The following VAPA variants were observed in gnomAD, a reference collection of about 807,000 sequenced individuals.
VAPA encodes the protein VAMP associated protein A.
A neutral mutation model predicts 25.6 loss-of-function variants in VAPA; 6 were observed. The observed-to-expected ratio is 0.23, with a 90% CI of 0.13 to 0.46. The LOEUF is 0.46. VAPA is among the 20% of genes least tolerant of loss of function. The pLI is 0.99. For missense variants in VAPA, 244 were observed against 302.1 expected (o/e 0.81, Z 1.43); for synonymous variants, 112 against 106.2 (o/e 1.05, Z -0.34).
chr18:9,914,395 G>C (rs945585346), intron 1 of VAPA, 60 bp downstream of exon 1: 19 of 1,450,536 alleles, frequency 1.3e-5, no homozygotes, highest in Non-Finnish European at 1.7e-5. Context: ...GGCTGTCGGC[G>C]GGGGGGCGCG....
At chr18:9,919,499 C>T (rs1299027483) in intron 1 of VAPA, among the ~76,000 whole-genome samples, 2 of 152,108 alleles carry the variant, frequency 1.3e-5, no homozygotes, top group South Asian at 4.1e-4. Context: ...ATAAAGTGTA[C>T]CCCTGAAGAG....
intron 1 of VAPA, 65 bp downstream of exon 1, chr18:9,914,400 G>T (rs559745836): frequency 1.4e-6 from 2 of 1,431,654 alleles, no homozygotes; most frequent in African/African-American, 1.5e-5. Flanking sequence ...TCGGCGGGGG[G>T]GCGCGGAGGG....
chr18:9,919,559 A>C (rs981504616), intron 1 of VAPA, among the ~76,000 whole-genome samples: 2 of 152,260 alleles, frequency 1.3e-5, no homozygotes, highest in African/African-American at 4.8e-5. Flanking sequence ...TCAGGCTGTC[A>C]CAGTTGAACT....
rs2069583371 is a variant in VAPA at position 9,959,438 on chromosome 18, AGTGT to A, written c.*5232_*5235del. ...ACCAACATGAACATTCCTAAACAAG[AGTGT>A]GTGTTACTCTAAGAAGAAGGCTATA... On this transcript the variant is annotated 3_prime_UTR_variant, in exon 6 of 6. Coordinates refer to ENST00000400000, the MANE Select transcript of VAPA (RefSeq NM_194434.3). 6.6e-6 allele frequency: 1 copy of A among 152,094 alleles called. No individual in the cohort carries two copies. The highest frequency in any genetic ancestry group is 2.4e-5 in the African/African-American group (1 of 41,418). The allele number at this position is 152,094 out of a possible 1,614,324, so 9.4% of individuals were successfully genotyped here. A position where few individuals can be genotyped will look rare whatever the true frequency, so the allele number is the denominator to read the frequency against.
intron 1 of VAPA, among the ~76,000 whole-genome samples, chr18:9,930,654 A>C (rs973688291): frequency 9.2e-5 from 14 of 152,078 alleles, no homozygotes; most frequent in African/African-American, 3.4e-4. Context: ...ATAATGAAAC[A>C]AGCAGTTCAG....
intron 1 of VAPA, among the ~76,000 whole-genome samples, chr18:9,921,033 A>C (rs1014383234): frequency 1.3e-5 from 2 of 152,190 alleles, no homozygotes; most frequent in African/African-American, 4.8e-5. Flanking sequence ...AGGCTTACAT[A>C]TTCTCCCCTC....
At chr18:9,916,779 T>G (rs1347555208) in intron 1 of VAPA, among the ~76,000 whole-genome samples, 1 of 152,242 alleles carries the variant, frequency 6.6e-6, no homozygotes, top group Non-Finnish European at 1.5e-5. Flanking sequence ...CAAAACTTTC[T>G]AAGTGAAGGA....
chr18:9,926,622 G>C (rs561567005), intron 1 of VAPA, among the ~76,000 whole-genome samples: 1 of 152,066 alleles, frequency 6.6e-6, no homozygotes, highest in Non-Finnish European at 1.5e-5. Context: ...AGAGGTGTTC[G>C]GGTAGATGCT....
At chr18:9,915,327 A>G (rs1253693026) in intron 1 of VAPA, among the ~76,000 whole-genome samples, 1 of 152,218 alleles carries the variant, frequency 6.6e-6, no homozygotes, top group Non-Finnish European at 1.5e-5. Flanking sequence ...ACTGCCTGTG[A>G]TAAGTTTTTT....
Position 9,952,847 on chromosome 18 carries a change from C to T in VAPA, c.592-1206C>T, listed in dbSNP as rs372295950. 3.9e-4 allele frequency among the ~76,000 whole-genome samples: 59 copies of T among 152,238 alleles called. 1 individual carries two copies. In the South Asian group the frequency reaches 0.012, roughly 31 times the overall value. On this transcript the variant is annotated intron_variant, in intron 5 of 5. Transcript: ENST00000400000. ...AGATGTTTGTGATGTGTAGCTGAAA[C>T]TGAGAATTACTGTTTATATAGGACT...
At chr18:9,935,545 A>G (rs1285271097) in intron 2 of VAPA, among the ~76,000 whole-genome samples, 1 of 152,264 alleles carries the variant, frequency 6.6e-6, no homozygotes, top group African/African-American at 2.4e-5. Flanking sequence ...ACTGCACTGC[A>G]GCGCAGCCTC....
chr18:9,939,527 T>C (rs1272100475), intron 4 of VAPA, among the ~76,000 whole-genome samples: 5 of 151,876 alleles, frequency 3.3e-5, no homozygotes, highest in African/African-American at 1.2e-4. Flanking sequence ...TCTTTTTTTT[T>C]TTTTTTTGCA....
In VAPA at chr18:9,914,024, C is replaced by T. The variant is rs567555330; in HGVS notation, c.-233C>T. 81 of 457,666 alleles carry T rather than the reference C, an allele frequency of 1.8e-4. 2 individuals carry two copies. In the East Asian group the frequency reaches 3.2e-3, roughly 18 times the overall value. 28.4% of individuals were successfully genotyped at this position (457,666 alleles called of 1,614,324 possible). On this transcript the variant is annotated 5_prime_UTR_variant, in exon 1 of 6. Coordinates refer to ENST00000400000, the MANE Select transcript of VAPA (RefSeq NM_194434.3). Reference sequence around the variant, plus strand: ...CCGTCACGTGGGTCGCCGAGGCTCGCAAGTGCGCGTGGCCGTGGCGGCTGG... The same window carrying T: ...CCGTCACGTGGGTCGCCGAGGCTCGTAAGTGCGCGTGGCCGTGGCGGCTGG...
intron 3 of VAPA, chr18:9,936,598 T>G (rs1398944906): frequency 9.9e-6 from 2 of 202,216 alleles, no homozygotes; most frequent in East Asian, 2.4e-4. Flanking sequence ...ACAACAAAAA[T>G]GAGCTGGGTA....
chr18:9,924,681 G>A (rs1443545154), intron 1 of VAPA, among the ~76,000 whole-genome samples: 2 of 152,088 alleles, frequency 1.3e-5, no homozygotes, highest in African/African-American at 2.4e-5. Context: ...CTTTACCACC[G>A]GGTAGAAGAC....
intron 1 of VAPA, 21 bp from the exon 2 acceptor site, chr18:9,931,789 T>C: frequency 6.3e-7 from 1 of 1,580,990 alleles, no homozygotes; most frequent in Non-Finnish European, 8.6e-7. Context: ...TTGTTTTCTC[T>C]TTAATTTTTA....
intron 2 of VAPA, among the ~76,000 whole-genome samples, chr18:9,932,965 G>A (rs866327470): frequency 6.6e-6 from 1 of 152,020 alleles, no homozygotes; most frequent in South Asian, 2.1e-4. Context: ...AAAATTAGTC[G>A]GGTGTGGTGG....
rs972433018 is a variant in VAPA, at chr18:9,918,465, C to G, written c.79+4130C>G. The stretch of plus-strand genomic sequence containing the variant: ...CTACTTATTGCTAACTTAATCATTT[C>G]CAGTTTTTATCTTACTTGACCTCCC... On this transcript the variant is annotated intron_variant, in intron 1 of 5. Transcript: ENST00000400000. 5.3e-5 allele frequency among the ~76,000 whole-genome samples: 8 copies of G among 152,280 alleles called. No homozygotes were observed. In the East Asian group the frequency reaches 1.3e-3, roughly 26 times the overall value.
chr18:9,920,343 C>T (rs1383934888), intron 1 of VAPA, among the ~76,000 whole-genome samples: 1 of 152,178 alleles, frequency 6.6e-6, no homozygotes, highest in Non-Finnish European at 1.5e-5. Context: ...CGCTTTGTCA[C>T]CCATGGTGGT....
Sources: allele counts gnomAD v4.1 joint callset (sites outside exome capture counted in the v4.1 genomes callset), GRCh38; gene constraint gnomAD v4.1.1; transcripts MANE v1.5; gene names NCBI Gene and HGNC (gene_info 2026-07-23, HGNC 2026-07-21).